Variants in BTBD9 observed in about 807,000 individuals in gnomAD.
The protein encoded by BTBD9 is BTB/POZ domain-containing protein 9.
A neutral mutation model predicts 64.3 loss-of-function variants in BTBD9; 49 were observed. The ratio of observed to expected loss-of-function variants is 0.76; its 90% CI spans 0.61 to 0.97. BTBD9 has a LOEUF of 0.97. Ranked by LOEUF, BTBD9 falls within the 50% of genes least tolerant of loss-of-function variation. The pLI is 0.00. For synonymous variants in BTBD9, 260 were observed against 274.7 expected, an observed-to-expected ratio of 0.95 and a Z score of 0.53; for missense variants, 598 against 762.1, an observed-to-expected ratio of 0.78 and a Z score of 2.53.
intron 1 of BTBD9, among the ~76,000 whole-genome samples, chr6:38,613,399 A>G (rs1777678239): frequency 6.6e-6 from 1 of 152,154 alleles, no homozygotes; most frequent in African/African-American, 2.4e-5. Flanking sequence ...AGGCAGGTGG[A>G]TTACCTGAGG....
At chr6:38,198,360 G>A (rs1402112875) in intron 9 of BTBD9, among the ~76,000 whole-genome samples, 3 of 152,188 alleles carry the variant, frequency 2.0e-5, no homozygotes, top group Non-Finnish European at 4.4e-5. Flanking sequence ...GCAGAGGACA[G>A]GAGAGCCACC....
intron 1 of BTBD9, among the ~76,000 whole-genome samples, chr6:38,624,342 G>A (rs772093557): frequency 6.6e-6 from 1 of 151,992 alleles, no homozygotes; most frequent in Non-Finnish European, 1.5e-5. Context: ...TTGTCCTTTC[G>A]CTCTTCACAA....
At chr6:38,384,009 A>T (rs989027799) in intron 6 of BTBD9, among the ~76,000 whole-genome samples, 1 of 152,016 alleles carries the variant, frequency 6.6e-6, no homozygotes, top group Non-Finnish European at 1.5e-5. Flanking sequence ...TCAGTCATAC[A>T]TTATCTTCCT....
chr6:38,199,417 A>G (rs1396269576), intron 9 of BTBD9, among the ~76,000 whole-genome samples: 1 of 152,154 alleles, frequency 6.6e-6, no homozygotes, highest in African/African-American at 2.4e-5. Flanking sequence ...CCTTTCTTCC[A>G]TAAATATTGA....
chr6:38,512,678 T>C (rs1056495886), intron 6 of BTBD9, among the ~76,000 whole-genome samples: 1 of 152,208 alleles, frequency 6.6e-6, no homozygotes, highest in African/African-American at 2.4e-5. Flanking sequence ...GAGGCAGCCA[T>C]CACTAGTTTA....
intron 9 of BTBD9, among the ~76,000 whole-genome samples, chr6:38,251,697 C>T (rs530803979): frequency 2.6e-5 from 4 of 152,134 alleles, no homozygotes; most frequent in South Asian, 4.1e-4. Flanking sequence ...TCAAGACTAG[C>T]CTGGCCAACA....
intron 6 of BTBD9, among the ~76,000 whole-genome samples, chr6:38,360,993 T>A (rs1355694152): frequency 6.6e-6 from 1 of 152,228 alleles, no homozygotes; most frequent in African/African-American, 2.4e-5. Context: ...TCTGACCTAA[T>A]GGCATCCCTT....
intron 9 of BTBD9, among the ~76,000 whole-genome samples, chr6:38,196,722 C>T (rs1313962137): frequency 1.3e-5 from 2 of 152,210 alleles, no homozygotes; most frequent in Admixed American, 1.3e-4. Flanking sequence ...ACTCATTAGA[C>T]AACAATGCAA....
At chr6:38,635,373 T>C (rs1370736575) in intron 1 of BTBD9, among the ~76,000 whole-genome samples, 1 of 152,124 alleles carries the variant, frequency 6.6e-6, no homozygotes, top group East Asian at 1.9e-4. Flanking sequence ...TGACCTCAAG[T>C]GATCCACCCA....
intron 6 of BTBD9, among the ~76,000 whole-genome samples, chr6:38,487,910 C>T (rs1259812645): frequency 6.6e-6 from 1 of 152,194 alleles, no homozygotes; most frequent in East Asian, 1.9e-4. Flanking sequence ...TTTTTATTAT[C>T]TGGTCCTTTA....
intron 1 of BTBD9, among the ~76,000 whole-genome samples, chr6:38,608,937 G>T (rs575209417): frequency 1.4e-4 from 21 of 152,016 alleles, no homozygotes; most frequent in Non-Finnish European, 2.8e-4. Context: ...TTTAAAAAAA[G>T]AAGAAGCAGA....
chr6:38,319,930 G>A (rs1435337347), intron 7 of BTBD9, among the ~76,000 whole-genome samples: 1 of 152,108 alleles, frequency 6.6e-6, no homozygotes, highest in Admixed American at 6.5e-5. Flanking sequence ...AGAGCACTTT[G>A]CCCTGTGATG....
chr6:38,496,105 C>T (rs181045500), intron 6 of BTBD9, among the ~76,000 whole-genome samples: 60 of 152,282 alleles, frequency 3.9e-4, no homozygotes, highest in Non-Finnish European at 6.2e-4. Flanking sequence ...TGAAAGTGAC[C>T]TCCTCTGTGC....
At chr6:38,601,230 T>C (rs1777229161) in intron 1 of BTBD9, among the ~76,000 whole-genome samples, 1 of 152,196 alleles carries the variant, frequency 6.6e-6, no homozygotes, top group Non-Finnish European at 1.5e-5. Context: ...GGTGTACAAG[T>C]ATACAAAAAC....
rs76897995 is a variant in BTBD9 at position 38,419,431 on chromosome 6, T to C, written c.1155-74338A>G. On this transcript the variant is annotated intron_variant, in intron 6 of 10. Coordinates refer to ENST00000481247, the MANE Select transcript of BTBD9 (RefSeq NM_001099272.2). ...TTACAAAAAATAGTGCTATTAAAAA[T>C]ATTTGTACATTTCATTTATGAGACC... 9.6e-4 allele frequency among the ~76,000 whole-genome samples: 147 copies of C among 152,364 alleles called. 2 individuals carry two copies. In the East Asian group the frequency reaches 0.015, roughly 16 times the overall value.
chr6:38,402,479 G>A (rs1766975251), intron 6 of BTBD9, among the ~76,000 whole-genome samples: 1 of 152,078 alleles, frequency 6.6e-6, no homozygotes, highest in South Asian at 2.1e-4. Flanking sequence ...CTGGCATAAG[G>A]GTAGACATAT....
chr6:38,295,885 C>A (rs1582181962), intron 7 of BTBD9, among the ~76,000 whole-genome samples: 1 of 152,014 alleles, frequency 6.6e-6, no homozygotes, highest in African/African-American at 2.4e-5. Flanking sequence ...CCCATCTCTA[C>A]TAAAAATACA....
At chr6:38,287,023 G>A (rs1361754207) in intron 8 of BTBD9, among the ~76,000 whole-genome samples, 4 of 137,696 alleles carry the variant, frequency 2.9e-5, no homozygotes, top group Admixed American at 2.4e-4. Flanking sequence ...CAGAGGTTGC[G>A]GTGAGCCAAG....
chr6:38,538,882 C>A (rs1264409555), intron 6 of BTBD9, among the ~76,000 whole-genome samples: 1 of 151,892 alleles, frequency 6.6e-6, no homozygotes, highest in Non-Finnish European at 1.5e-5. Context: ...CTCCCAAGCT[C>A]ATGTGATCCC....
Sources: gnomAD v4.1 joint callset for allele counts (sites outside exome capture counted in the v4.1 genomes callset) on GRCh38, gnomAD v4.1.1 for gene constraint, MANE v1.5 for transcripts, NCBI Gene and HGNC (gene_info 2026-07-23, HGNC 2026-07-21) for gene names.